Variants in GPC5 observed in about 807,000 individuals in gnomAD.
GPC5 encodes glypican-5.
GPC5 carries 47 observed loss-of-function variants against 53.9 expected under a neutral mutation model. The ratio of observed to expected loss-of-function variants is 0.87; its 90% CI spans 0.69 to 1.11. The LOEUF (loss-of-function observed/expected upper bound fraction) is 1.11. Among genes scored for constraint, GPC5 ranks in the 50% most tolerant of loss-of-function variants. The pLI is 0.00. For synonymous variants in GPC5, 286 were observed against 263.3 expected (o/e 1.09, Z -0.84); for missense variants, 748 against 713.1 (o/e 1.05, Z -0.56).
intron 7 of GPC5, among the ~76,000 whole-genome samples, chr13:92,372,361 TG>T (rs1427942772): frequency 1.3e-5 from 2 of 152,314 alleles, no homozygotes; most frequent in African/African-American, 4.8e-5. Flanking sequence ...ATTTTTAAAA[TG>T]TGAAAATCGA....
intron 5 of GPC5, among the ~76,000 whole-genome samples, chr13:91,799,864 C>T (rs1244266063): frequency 6.6e-6 from 1 of 152,060 alleles, no homozygotes; most frequent in African/African-American, 2.4e-5. Context: ...AATATTATTG[C>T]TACCATAAAG....
chr13:91,660,990 A>C (rs1189674022), intron 2 of GPC5, among the ~76,000 whole-genome samples: 2 of 152,222 alleles, frequency 1.3e-5, no homozygotes, highest in South Asian at 2.1e-4. Context: ...TGGAGCTTAC[A>C]TTCTTTTGAG....
At chr13:91,920,434 A>G (rs1017333073) in intron 6 of GPC5, among the ~76,000 whole-genome samples, 1 of 152,220 alleles carries the variant, frequency 6.6e-6, no homozygotes, top group Non-Finnish European at 1.5e-5. Flanking sequence ...AATAATAAGA[A>G]TGTTGGAGAA....
At chr13:91,566,928 ATTC>A (rs2031559479) in intron 2 of GPC5, among the ~76,000 whole-genome samples, 1 of 110,606 alleles carries the variant, frequency 9.0e-6, no homozygotes, top group Non-Finnish European at 1.8e-5. Flanking sequence ...TTTTCTTCCA[ATTC>A]TTTTTTTTTT....
intron 5 of GPC5, among the ~76,000 whole-genome samples, chr13:91,760,523 C>G (rs1215087133): frequency 6.6e-6 from 1 of 152,108 alleles, no homozygotes; most frequent in Non-Finnish European, 1.5e-5. Flanking sequence ...TTATAATACC[C>G]ATCAGCTTCA....
intron 7 of GPC5, among the ~76,000 whole-genome samples, chr13:92,404,032 A>AG (rs1328016981): frequency 2.6e-5 from 4 of 152,194 alleles, no homozygotes; most frequent in African/African-American, 9.7e-5. Flanking sequence ...TTTTCCAAAT[A>AG]GAAGTTTATT....
chr13:91,494,469 G>A (rs939665387), intron 2 of GPC5, among the ~76,000 whole-genome samples: 5 of 151,874 alleles, frequency 3.3e-5, no homozygotes, highest in Non-Finnish European at 7.4e-5. Context: ...TCCAGCTGCT[G>A]CTCCATTTTT....
At chr13:92,004,536 T>C (rs2040589233) in intron 6 of GPC5, among the ~76,000 whole-genome samples, 1 of 145,144 alleles carries the variant, frequency 6.9e-6, no homozygotes, top group South Asian at 2.1e-4. Flanking sequence ...CTACAAAGTA[T>C]ATATGACTCT....
intron 7 of GPC5, among the ~76,000 whole-genome samples, chr13:92,598,842 A>T (rs2139077496): frequency 6.6e-6 from 1 of 152,120 alleles, no homozygotes; most frequent in Non-Finnish European, 1.5e-5. Flanking sequence ...CATGGCGAAA[A>T]CTCGTCTCTA....
At chr13:92,866,150 GT>G in intron 7 of GPC5, 131 bp from the exon 8 acceptor site, 1 of 584,006 alleles carries the variant, frequency 1.7e-6, no homozygotes, top group Non-Finnish European at 2.7e-6. Context: ...TATTAATTAT[GT>G]TAGAGTTAGG....
chr13:92,806,981 T>C (rs1204187423), intron 7 of GPC5, among the ~76,000 whole-genome samples: 1 of 152,128 alleles, frequency 6.6e-6, no homozygotes. Flanking sequence ...ACACAATATC[T>C]GTGAAGTACA....
intron 7 of GPC5, among the ~76,000 whole-genome samples, chr13:92,318,330 C>A (rs1434411787): frequency 6.6e-6 from 1 of 152,078 alleles, no homozygotes; most frequent in East Asian, 1.9e-4. Context: ...ACTGCTATCA[C>A]GGCTGATCTC....
At chr13:92,197,366 C>A (rs903659197) in intron 7 of GPC5, among the ~76,000 whole-genome samples, 4 of 152,120 alleles carry the variant, frequency 2.6e-5, no homozygotes, top group African/African-American at 7.2e-5. Flanking sequence ...CTATCTATAT[C>A]TTTATAACTA....
At chr13:91,911,173 T>A (rs2039606349) in intron 6 of GPC5, among the ~76,000 whole-genome samples, 1 of 152,136 alleles carries the variant, frequency 6.6e-6, no homozygotes, top group Non-Finnish European at 1.5e-5. Context: ...ACATACCTCA[T>A]GTTTTGGGGA....
chr13:92,197,220 T>A (rs867070484), intron 7 of GPC5, among the ~76,000 whole-genome samples: 14 of 152,012 alleles, frequency 9.2e-5, no homozygotes, highest in African/African-American at 3.1e-4. Context: ...GAAAAAAAAA[T>A]AATAAGATAA....
At chr13:92,119,113 T>C (rs1365633400) in intron 6 of GPC5, among the ~76,000 whole-genome samples, 1 of 152,174 alleles carries the variant, frequency 6.6e-6, no homozygotes, top group Non-Finnish European at 1.5e-5. Flanking sequence ...CTCACAATCA[T>C]GGCAGAAGGC....
At chr13:91,779,351 C>A (rs984595910) in intron 5 of GPC5, among the ~76,000 whole-genome samples, 1 of 151,936 alleles carries the variant, frequency 6.6e-6, no homozygotes, top group Non-Finnish European at 1.5e-5. Context: ...AGACATTTTT[C>A]TTTTTTCTTT....
intron 6 of GPC5, among the ~76,000 whole-genome samples, chr13:91,983,106 G>A (rs1314954642): frequency 1.3e-5 from 2 of 152,120 alleles, no homozygotes; most frequent in Non-Finnish European, 2.9e-5. Context: ...AGCACTTTGG[G>A]ATGCCGAGAC....
chr13:92,097,314 A>C, intron 6 of GPC5, among the ~76,000 whole-genome samples: 1 of 152,200 alleles, frequency 6.6e-6, no homozygotes, highest in East Asian at 1.9e-4. Flanking sequence ...AGGAAAAAAG[A>C]GGTAAACTGA....
Sources: gnomAD v4.1 joint callset for allele counts (sites outside exome capture counted in the v4.1 genomes callset) on GRCh38, gnomAD v4.1.1 for gene constraint, MANE v1.5 for transcripts, NCBI Gene and HGNC (gene_info 2026-07-23, HGNC 2026-07-21) for gene names.